The following CD2AP variants were observed in gnomAD, a reference collection of about 807,000 sequenced individuals.
CD2AP encodes the protein CD2 associated protein.
Under a neutral mutation model 85.1 loss-of-function variants are expected in CD2AP, and 46 were observed. The ratio of observed to expected loss-of-function variants is 0.54; its 90% confidence interval spans 0.43 to 0.69. The LOEUF is 0.69. Ranked by LOEUF, CD2AP falls within the 30% of genes least tolerant of loss-of-function variation. CD2AP has a pLI of 0.00. For missense variants in CD2AP, 769 were observed against 729.5 expected, an observed-to-expected ratio of 1.05 and a Z score of -0.62; for synonymous variants, 255 against 252.9, an observed-to-expected ratio of 1.01 and a Z score of -0.08.
At chr6:47,617,844 T>C (rs1769633595) in intron 17 of CD2AP, among the ~76,000 whole-genome samples, 1 of 152,216 alleles carries the variant, frequency 6.6e-6, no homozygotes, top group Non-Finnish European at 1.5e-5. Context: ...CTAGCTATCT[T>C]TCTTTACTTG....
chr6:47,507,324 A>G (rs570059222), intron 2 of CD2AP, among the ~76,000 whole-genome samples: 65 of 152,212 alleles, frequency 4.3e-4, no homozygotes, highest in Middle Eastern at 6.8e-3. Context: ...ATTAATGTTG[A>G]TATTTTTAGC....
At chr6:47,558,703 G>A (rs1338541300) in intron 5 of CD2AP, among the ~76,000 whole-genome samples, 1 of 152,192 alleles carries the variant, frequency 6.6e-6, no homozygotes, top group Non-Finnish European at 1.5e-5. Flanking sequence ...GCTTTTTAAT[G>A]TGCTGCTGGA....
chr6:47,562,826 G>A, intron 5 of CD2AP: 1 of 1,126,054 alleles, frequency 8.9e-7, no homozygotes, highest in Non-Finnish European at 1.3e-6. Context: ...GAGGCCCTTG[G>A]TGCTGAACAC....
chr6:47,521,654 T>G (rs1032331914), intron 2 of CD2AP, among the ~76,000 whole-genome samples: 12 of 152,296 alleles, frequency 7.9e-5, no homozygotes, highest in African/African-American at 2.6e-4. Context: ...AAGAATAGAT[T>G]TGCATTCAGC....
chr6:47,554,001 G>A (rs1436826156), intron 4 of CD2AP, among the ~76,000 whole-genome samples: 1 of 151,836 alleles, frequency 6.6e-6, no homozygotes, highest in Non-Finnish European at 1.5e-5. Context: ...CTGTCACCTG[G>A]GCTGGAGTCC....
intron 9 of CD2AP, 66 bp downstream of exon 9, chr6:47,579,555 C>A: frequency 9.5e-7 from 1 of 1,050,032 alleles, no homozygotes; most frequent in Non-Finnish European, 1.5e-6. Context: ...CTTTTGCAAA[C>A]AAGTTTTTTT....
chr6:47,563,621 TTGTGGATTACCTTTA>T lies in CD2AP; in HGVS notation c.541+8856_541+8870del, dbSNP rs1767918273. 2.0e-5 allele frequency among the ~76,000 whole-genome samples: 3 copies of T among 152,294 alleles called. No homozygotes were observed. In the South Asian group the frequency reaches 6.2e-4, roughly 32 times the overall value. Reference sequence around the variant, plus strand: ...AGTATTATGCTCTACCATATATTCGTTGTGGATTACCTTTAAAGAATCCCTTTCTTTAAAGCTCAT... The same window carrying T: ...AGTATTATGCTCTACCATATATTCGTAAGAATCCCTTTCTTTAAAGCTCAT... On this transcript the variant is annotated intron_variant, in intron 5 of 17. Transcript: ENST00000359314.
In CD2AP at chr6:47,478,223, T is replaced by A. The variant is rs1765354559; in HGVS notation, c.-22T>A. On this transcript the variant is annotated 5_prime_UTR_variant, in exon 1 of 18. Coordinates refer to ENST00000359314, the MANE Select transcript of CD2AP (RefSeq NM_012120.3). ...GGAGGAGGAGGAGCGGACGTCGGCT[T>A]CTCCCCGCGGGAGCCCCCAGCATGG... 2 of 1,567,466 alleles carry A rather than the reference T, an allele frequency of 1.3e-6. No homozygotes were observed. The highest frequency in any genetic ancestry group is 1.4e-5 in the African/African-American group (1 of 73,766).
chr6:47,511,924 C>T lies in CD2AP; in HGVS notation c.165+8484C>T, dbSNP rs1157406232. On this transcript the variant is annotated intron_variant, in intron 2 of 17. Coordinates refer to ENST00000359314, the MANE Select transcript of CD2AP (RefSeq NM_012120.3). ...TTGTAATCCCAGCACTTTGGGAGGCCGAGGTGGGCGGATCACGAGGTCAGG... is the reference window on the plus strand; with the variant it reads ...TTGTAATCCCAGCACTTTGGGAGGCTGAGGTGGGCGGATCACGAGGTCAGG... Among the ~76,000 whole-genome samples the T allele has an allele frequency of 6.6e-5, 10 of 151,916 alleles. No homozygotes were observed. In the East Asian group the frequency reaches 7.7e-4, roughly 12 times the overall value.
At chr6:47,537,370 A>G (rs1174774126) in intron 3 of CD2AP, among the ~76,000 whole-genome samples, 1 of 152,154 alleles carries the variant, frequency 6.6e-6, no homozygotes, top group East Asian at 1.9e-4. Context: ...TGGTAAGGAG[A>G]AAAAGACTCA....
intron 4 of CD2AP, among the ~76,000 whole-genome samples, chr6:47,545,693 G>T (rs1767347355): frequency 6.6e-6 from 1 of 152,188 alleles, no homozygotes; most frequent in Non-Finnish European, 1.5e-5. Flanking sequence ...CACATCACGG[G>T]ACTCTGTGCA....
intron 5 of CD2AP, chr6:47,562,669 T>G: frequency 1.8e-6 from 1 of 565,880 alleles, no homozygotes; most frequent in Admixed American, 2.3e-5. Context: ...ATACTGCCAC[T>G]GCTTTATGGG....
chr6:47,542,302 T>C (rs1161027666), intron 3 of CD2AP, among the ~76,000 whole-genome samples: 1 of 152,172 alleles, frequency 6.6e-6, no homozygotes, highest in Non-Finnish European at 1.5e-5. Flanking sequence ...ACTGATGGAG[T>C]GTAGACACTC....
At chr6:47,570,950 A>G (rs1353797256) in intron 5 of CD2AP, among the ~76,000 whole-genome samples, 1 of 152,174 alleles carries the variant, frequency 6.6e-6, no homozygotes, top group African/African-American at 2.4e-5. Context: ...ATATCTAGCC[A>G]TCTATTTTAA....
intron 17 of CD2AP, among the ~76,000 whole-genome samples, chr6:47,617,879 A>G (rs10948367): frequency 0.27 from 40,914 of 152,098 alleles, 5,694 homozygotes; most frequent in African/African-American, 0.33. Flanking sequence ...TGCCTCTTAC[A>G]ATTGATAAGT....
intron 1 of CD2AP, among the ~76,000 whole-genome samples, chr6:47,490,871 G>A (rs1179071603): frequency 1.3e-5 from 2 of 152,076 alleles, no homozygotes; most frequent in Non-Finnish European, 2.9e-5. Context: ...TGTGCAGTTT[G>A]TTCACTATCT....
intron 13 of CD2AP, 90 bp downstream of exon 13, chr6:47,599,533 G>C: frequency 7.7e-6 from 8 of 1,034,284 alleles, no homozygotes; most frequent in Non-Finnish European, 1.2e-5. Context: ...TTTGTGTGTG[G>C]ATAAAGTTGG....
At position 47,599,974 on chromosome 6, in the gene CD2AP, TG is replaced by T. The variant is rs570982044; in HGVS notation, c.1417+532del. ...ATATCTTTGTCTAATCTGTACTTCC[TG>T]TTTTTTTTTTAATACCTATTATTAT... On this transcript the variant is annotated intron_variant, in intron 13 of 17. Transcript: ENST00000359314. Among the ~76,000 whole-genome samples the T allele has an allele frequency of 6.0e-3, 799 of 133,304 alleles. 6 individuals are homozygous for T. The highest frequency in any genetic ancestry group is 0.011 in the Non-Finnish European group (601 of 56,264). The allele number at this position is 133,304 out of a possible 152,430, so 87.5% of individuals were successfully genotyped here.
At chr6:47,611,280 C>A (rs943824628) in intron 16 of CD2AP, among the ~76,000 whole-genome samples, 4 of 151,164 alleles carry the variant, frequency 2.6e-5, no homozygotes, top group Non-Finnish European at 5.9e-5. Context: ...AAAAGCATAC[C>A]AAACCAGAAA....
Sources: gnomAD v4.1 joint callset for allele counts (sites outside exome capture counted in the v4.1 genomes callset) on GRCh38, gnomAD v4.1.1 for gene constraint, MANE v1.5 for transcripts, NCBI Gene and HGNC (gene_info 2026-07-23, HGNC 2026-07-21) for gene names.